SSR2: variants seen among roughly 807,000 people sequenced by gnomAD.
SSR2 encodes the protein signal sequence receptor subunit 2.
SSR2 carries 16 observed loss-of-function variants against 22.6 expected under a neutral mutation model. The observed-to-expected ratio is 0.71, with a 90% confidence interval of 0.48 to 1.08. The LOEUF (loss-of-function observed/expected upper bound fraction) is 1.08, where lower values mean the gene tolerates loss of function less well. SSR2 is among the 50% of genes least tolerant of loss of function. The pLI is 0.00. For missense variants in SSR2, 171 were observed against 221.6 expected, an observed-to-expected ratio of 0.77 and a Z score of 1.45; for synonymous variants, 83 against 91.2, an observed-to-expected ratio of 0.91 and a Z score of 0.51.
intron 4 of SSR2, 131 bp from the exon 5 acceptor site, chr1:156,012,018 G>C: frequency 1.6e-6 from 1 of 630,732 alleles, no homozygotes; most frequent in East Asian, 2.7e-5. Flanking sequence ...AGGCTCAGAA[G>C]AACTTCAAGA....
At chr1:156,018,059 T>TCTTATAATCTGAACTTCAGTATC in intron 3 of SSR2, 1 of 439,440 alleles carries the variant, frequency 2.3e-6, no homozygotes, top group Non-Finnish European at 4.2e-6. Flanking sequence ...TGTTTCAGGG[T>TCTTATAATCTGAACTTCAGTATC]CTTATAATCT....
At chr1:156,016,085 A>T (rs1683050810) in intron 3 of SSR2, among the ~76,000 whole-genome samples, 1 of 151,890 alleles carries the variant, frequency 6.6e-6, no homozygotes, top group South Asian at 2.1e-4. Context: ...CGGGAGCCAG[A>T]GGTTGCAGTG....
intron 5 of SSR2, chr1:156,011,002 CTT>C (rs1304633646): frequency 6.6e-6 from 1 of 151,634 alleles, no homozygotes; most frequent in Admixed American, 6.6e-5. Flanking sequence ...GCGTTTCGCT[CTT>C]GTTGTCCAGG....
chr1:156,020,294 T>A (rs1379821173), intron 1 of SSR2, 127 bp from the exon 2 acceptor site: 1 of 971,682 alleles, frequency 1.0e-6, no homozygotes, highest in Non-Finnish European at 1.5e-6. Flanking sequence ...CACAGAGTAG[T>A]CCATAAGCCA....
intron 3 of SSR2, among the ~76,000 whole-genome samples, chr1:156,015,895 A>T (rs1683047703): frequency 6.6e-6 from 1 of 152,056 alleles, no homozygotes; most frequent in South Asian, 2.1e-4. Context: ...TCATGCCTGT[A>T]ATCCCAGCAC....
chr1:156,020,175 G>C lies in SSR2; in HGVS notation c.1-8C>G, dbSNP rs1318948717. 6.2e-7 allele frequency: 1 copy of C among 1,611,734 alleles called. No individual in the cohort carries two copies. The highest frequency in any genetic ancestry group is 1.7e-5 in the Admixed American group (1 of 59,172). On this transcript the variant is annotated splice_polypyrimidine_tract_variant and splice_region_variant and intron_variant, in intron 1 of 5. Coordinates refer to ENST00000295702, the MANE Select transcript of SSR2 (RefSeq NM_003145.4). ...AAATGACAGCAGCCTCATCTTTAGA[G>C]AAAAAAGCAAAGTGAGTTATCAAAC...
intron 3 of SSR2, among the ~76,000 whole-genome samples, chr1:156,016,502 C>T (rs2102723967): frequency 6.6e-6 from 1 of 152,084 alleles, no homozygotes; most frequent in Middle Eastern, 3.4e-3. Flanking sequence ...TCCCAAAGTG[C>T]TGGGATTACA....
chr1:156,012,050 TAGAG>T lies in SSR2; in HGVS notation c.364-167_364-164del. On this transcript the variant is annotated intron_variant, in intron 4 of 5. Coordinates refer to ENST00000295702, the MANE Select transcript of SSR2 (RefSeq NM_003145.4). ...AAGAAGATGAGGGAAAGCTTTTGGC[TAGAG>T]AGAGTTGGATGATTCTCTCTTAGTG... is the stretch of plus-strand genomic sequence containing the variant. The T allele has an allele frequency of 8.8e-6, 5 of 568,448 alleles. No individual in the cohort carries two copies. In the South Asian group the frequency reaches 1.1e-4, roughly 12 times the overall value. 35.2% of individuals were successfully genotyped at this position (568,448 alleles called of 1,614,324 possible).
intron 5 of SSR2, chr1:156,010,766 C>T (rs1309774963): frequency 6.6e-6 from 1 of 152,316 alleles, no homozygotes; most frequent in Non-Finnish European, 1.5e-5. Flanking sequence ...CTTTTCCATT[C>T]CTCCACCTCA....
intron 5 of SSR2, among the ~76,000 whole-genome samples, chr1:156,009,909 G>A (rs1682956246): frequency 6.6e-6 from 1 of 152,168 alleles, no homozygotes; most frequent in Admixed American, 6.5e-5. Context: ...CAGTAGCTGG[G>A]ATTACAGGCG....
chr1:156,015,131 G>A (rs1683032150), intron 3 of SSR2, 62 bp from the exon 4 acceptor site: 3 of 1,288,878 alleles, frequency 2.3e-6, no homozygotes, highest in South Asian at 1.2e-5. Flanking sequence ...CTTTCAACCT[G>A]TGGACTAAAT....
At chr1:156,011,715 C>G (rs959723140) in intron 5 of SSR2, 95 bp downstream of exon 5, 1 of 1,011,652 alleles carries the variant, frequency 9.9e-7, no homozygotes, top group Non-Finnish European at 1.5e-6. Context: ...CAAGAACCAA[C>G]CAACAAAACA....
In SSR2 at chr1:156,014,997, T is replaced by A; in HGVS notation, c.327A>T (p.Thr109=). ...CATCCTCCTGGGCCAGGTAAGTAAT[T>A]GTTGCCGAGGTGAAGTTGAAATAAC... ...KAGYFNFTSA[T]ITYLAQEDGP... Residue 109 remains threonine, a synonymous_variant, in exon 4 of 6, where the codon ACA becomes ACT. Coordinates refer to ENST00000295702, the MANE Select transcript of SSR2 (RefSeq NM_003145.4). The A allele has an allele frequency of 6.2e-7, 1 of 1,613,962 alleles. No homozygotes were observed. The highest frequency in any genetic ancestry group is 8.5e-7 in the Non-Finnish European group (1 of 1,179,938).
chr1:156,019,963 C>T (rs1683123081), intron 2 of SSR2, 50 bp downstream of exon 2: 2 of 1,582,222 alleles, frequency 1.3e-6, no homozygotes, highest in South Asian at 2.3e-5. Flanking sequence ...CATCTGAAAA[C>T]TAAGAATCCA....
intron 4 of SSR2, chr1:156,013,217 G>A (rs1683003102): frequency 6.6e-6 from 1 of 151,808 alleles, no homozygotes; most frequent in Non-Finnish European, 1.5e-5. Flanking sequence ...TCACAGGTCA[G>A]GAGTTTGAGA....
chr1:156,009,483 G>T lies in SSR2; in HGVS notation c.*57C>A. 1 of 1,360,380 alleles carries T rather than the reference G, an allele frequency of 7.4e-7. No individual in the cohort carries two copies. The highest frequency in any genetic ancestry group is 1.1e-6 in the Non-Finnish European group (1 of 951,810). 84.3% of individuals were successfully genotyped at this position (1,360,380 alleles called of 1,614,324 possible). ...CCCTTTGGAGTCTGGAAAGCACCTG[G>T]ATTTCTTGGGAGAGGAGCCTGGATT... On this transcript the variant is annotated 3_prime_UTR_variant, in exon 6 of 6. Transcript: ENST00000295702.
At chr1:156,014,845 C>G in intron 4 of SSR2, 116 bp downstream of exon 4, 2 of 849,810 alleles carry the variant, frequency 2.4e-6, no homozygotes, top group Non-Finnish European at 3.8e-6. Context: ...CCAGTCCTAA[C>G]TGTATTTTGG....
At chr1:156,015,167 T>C (rs1683032492) in intron 3 of SSR2, 98 bp from the exon 4 acceptor site, 1 of 867,598 alleles carries the variant, frequency 1.2e-6, no homozygotes, top group Non-Finnish European at 1.9e-6. Flanking sequence ...CATTTGCCAA[T>C]ACATGCTGAT....
At chr1:156,018,408 G>C (rs1055407407) in intron 2 of SSR2, 40 bp from the exon 3 acceptor site, 1 of 1,550,188 alleles carries the variant, frequency 6.5e-7, no homozygotes, top group East Asian at 2.3e-5. Flanking sequence ...GTAAGTAATG[G>C]ATATAAAATT....
Sources: allele counts gnomAD v4.1 joint callset (sites outside exome capture counted in the v4.1 genomes callset), GRCh38; gene constraint gnomAD v4.1.1; transcripts MANE v1.5; gene names NCBI Gene and HGNC (gene_info 2026-07-23, HGNC 2026-07-21).